FER: variants seen among roughly 807,000 people sequenced by gnomAD.
The protein encoded by FER is FER tyrosine kinase.
In FER, 63 loss-of-function variants were observed where a neutral mutation model predicts 111.0. The observed-to-expected ratio is 0.57, with a 90% confidence interval of 0.46 to 0.70. The LOEUF is 0.70. FER is among the 30% of genes least tolerant of loss of function. The probability of loss-of-function intolerance (pLI) is 0.00; values close to 1 mark genes in which losing one functional copy is unlikely to be tolerated. For synonymous variants in FER, 327 were observed against 313.9 expected, an observed-to-expected ratio of 1.04 and a Z score of -0.44; for missense variants, 914 against 954.0, an observed-to-expected ratio of 0.96 and a Z score of 0.55.
Position 108,958,519 on chromosome 5 carries a change from CAA to C in FER, c.1534-705_1534-704del, listed in dbSNP as rs1758729580. The stretch of plus-strand genomic sequence containing the variant: ...CATAGGCCAATTTGAAATATGAAAA[CAA>C]GAGAAAAGCGGTCTTGGAGGAGTTT... On this transcript the variant is annotated intron_variant, in intron 12 of 19. Coordinates refer to ENST00000281092, the MANE Select transcript of FER (RefSeq NM_005246.4). 2.0e-5 allele frequency among the ~76,000 whole-genome samples: 3 copies of C among 151,690 alleles called. 1 individual carries two copies. In the South Asian group the frequency reaches 6.2e-4, roughly 31 times the overall value.
chr5:108,972,131 A>G (rs941152983), intron 13 of FER, among the ~76,000 whole-genome samples: 1 of 151,998 alleles, frequency 6.6e-6, no homozygotes, highest in South Asian at 2.1e-4. Context: ...TATAAACCCC[A>G]AAAGAACAGA....
chr5:108,933,539 C>T (rs1263407235), intron 10 of FER, among the ~76,000 whole-genome samples: 1 of 152,088 alleles, frequency 6.6e-6, no homozygotes, highest in Non-Finnish European at 1.5e-5. Context: ...ATGCTTCCAG[C>T]TTTATTCTTT....
chr5:109,058,490 A>C (rs1773923649), intron 16 of FER, among the ~76,000 whole-genome samples: 2 of 151,860 alleles, frequency 1.3e-5, no homozygotes, highest in East Asian at 3.9e-4. Context: ...ATGTGGTATT[A>C]ATTCTACAAA....
intron 16 of FER, among the ~76,000 whole-genome samples, chr5:109,092,115 T>C (rs1435261650): frequency 2.0e-5 from 3 of 151,726 alleles, no homozygotes; most frequent in African/African-American, 4.8e-5. Flanking sequence ...CACCTTTATC[T>C]TGGAGTTGCC....
intron 14 of FER, among the ~76,000 whole-genome samples, chr5:109,040,522 G>A (rs756209977): frequency 6.6e-6 from 1 of 152,132 alleles, no homozygotes; most frequent in African/African-American, 2.4e-5. Flanking sequence ...ATGGGATTTA[G>A]CAATGAGAGG....
chr5:109,032,374 C>T (rs1450205048), intron 13 of FER, among the ~76,000 whole-genome samples: 2 of 152,186 alleles, frequency 1.3e-5, no homozygotes, highest in African/African-American at 4.8e-5. Context: ...CCCTGTGCCT[C>T]ATTTTTTCAC....
chr5:109,083,260 T>A (rs1777192114), intron 16 of FER, among the ~76,000 whole-genome samples: 1 of 152,054 alleles, frequency 6.6e-6, no homozygotes, highest in Non-Finnish European at 1.5e-5. Context: ...ACAATTAATT[T>A]TACTTATATT....
intron 17 of FER, among the ~76,000 whole-genome samples, chr5:109,116,451 AT>A (rs985955675): frequency 2.0e-5 from 3 of 151,924 alleles, no homozygotes; most frequent in African/African-American, 7.3e-5. Flanking sequence ...ATGAAAAAAA[AT>A]AACAGTGTCA....
At chr5:109,132,134 G>A (rs1752422907) in intron 17 of FER, among the ~76,000 whole-genome samples, 1 of 152,076 alleles carries the variant, frequency 6.6e-6, no homozygotes, top group Admixed American at 6.6e-5. Flanking sequence ...TCGGCATTGG[G>A]ATCTAAATGC....
intron 10 of FER, among the ~76,000 whole-genome samples, chr5:108,931,307 T>G (rs1032737291): frequency 6.6e-6 from 1 of 152,214 alleles, no homozygotes; most frequent in African/African-American, 2.4e-5. Context: ...ATTGTTACTC[T>G]GTTTTTTCCA....
intron 11 of FER, among the ~76,000 whole-genome samples, chr5:108,947,879 A>T (rs1757191087): frequency 6.6e-6 from 1 of 151,536 alleles, no homozygotes; most frequent in Non-Finnish European, 1.5e-5. Flanking sequence ...ATTTTTATTT[A>T]TTTATTTATT....
intron 18 of FER, among the ~76,000 whole-genome samples, chr5:109,183,100 G>C (rs1319927915): frequency 6.6e-6 from 1 of 152,156 alleles, no homozygotes. Flanking sequence ...AGGAAGGAGA[G>C]ATTTTGATAT....
chr5:109,168,141 T>C (rs1756745985), intron 17 of FER, among the ~76,000 whole-genome samples: 1 of 152,190 alleles, frequency 6.6e-6, no homozygotes, highest in Non-Finnish European at 1.5e-5. Flanking sequence ...ATTACAGTAT[T>C]AATGACTAAA....
intron 3 of FER, among the ~76,000 whole-genome samples, chr5:108,825,213 G>A (rs1361816227): frequency 6.6e-6 from 1 of 152,126 alleles, no homozygotes; most frequent in Non-Finnish European, 1.5e-5. Context: ...TTATTAGGTG[G>A]GAATTTCCTC....
chr5:108,867,009 A>G (rs917464408), intron 5 of FER, among the ~76,000 whole-genome samples: 1 of 152,122 alleles, frequency 6.6e-6, no homozygotes, highest in Admixed American at 6.6e-5. Context: ...CAAGTCATTC[A>G]GCACCTAGAA....
chr5:108,965,808 C>A (rs1402969106), intron 13 of FER, among the ~76,000 whole-genome samples: 1 of 152,126 alleles, frequency 6.6e-6, no homozygotes, highest in Non-Finnish European at 1.5e-5. Context: ...ATGTCCCCAA[C>A]CCACATGAAA....
chr5:108,790,235 C>CCACACACACACA (rs66805209), intron 2 of FER, among the ~76,000 whole-genome samples: 3,043 of 145,156 alleles, frequency 0.021, 56 homozygotes, highest in South Asian at 0.071. Flanking sequence ...TGCATACACA[C>CCACACACACACA]CACACACACA....
At chr5:108,929,017 A>T (rs570349923) in intron 10 of FER, among the ~76,000 whole-genome samples, 1 of 152,250 alleles carries the variant, frequency 6.6e-6, no homozygotes, top group Admixed American at 6.5e-5. Context: ...ATCTGTAGGG[A>T]TATGAGAACA....
At chr5:108,798,018 T>TG in intron 2 of FER, 106 bp from the exon 3 acceptor site, 1 of 552,668 alleles carries the variant, frequency 1.8e-6, no homozygotes, top group Non-Finnish European at 3.2e-6. Flanking sequence ...TATTCAGTTG[T>TG]GTTTTTTTTT....
Sources: gnomAD v4.1 joint callset for allele counts (sites outside exome capture counted in the v4.1 genomes callset) on GRCh38, gnomAD v4.1.1 for gene constraint, MANE v1.5 for transcripts, NCBI Gene and HGNC (gene_info 2026-07-23, HGNC 2026-07-21) for gene names.